The following GNL3L variants were observed in gnomAD, a reference collection of about 807,000 sequenced individuals.
GNL3L encodes G protein nucleolar 3 like, also known as guanine nucleotide-binding protein-like 3-like protein.
GNL3L carries 4 observed loss-of-function variants against 42.9 expected under a neutral mutation model. The ratio of observed to expected loss-of-function variants is 0.09; its 90% CI spans 0.05 to 0.21. The LOEUF (loss-of-function observed/expected upper bound fraction) is 0.21, where lower values mean the gene tolerates loss of function less well. GNL3L is among the 10% of genes least tolerant of loss of function. The pLI, the probability that GNL3L is intolerant of heterozygous loss-of-function variation, is 1.00. For synonymous variants in GNL3L, 159 were observed against 176.3 expected (o/e 0.90, Z 0.78); for missense variants, 412 against 481.7 (o/e 0.86, Z 1.36).
At chrX:54,604,834 T>A (rs1926041711) in intron 16 of GNL3L, among the ~76,000 whole-genome samples, 1 of 112,061 alleles carries the variant, frequency 8.9e-6, no homozygotes, top group African/African-American at 3.2e-5. Flanking sequence ...ACATGAGAAT[T>A]AATAATAGCT....
chrX:54,548,658 G>A (rs1317298053), intron 9 of GNL3L, among the ~76,000 whole-genome samples: 6 of 111,067 alleles, frequency 5.4e-5, no homozygotes, highest in Non-Finnish European at 1.1e-4. Flanking sequence ...AGAATTCTGA[G>A]TGAGGCTCAG....
At chrX:54,602,217 T>C (rs1477862597) in intron 16 of GNL3L, among the ~76,000 whole-genome samples, 3 of 112,088 alleles carry the variant, frequency 2.7e-5, no homozygotes, top group Non-Finnish European at 3.8e-5. Context: ...TTGAGAATTC[T>C]AGTTCTCCTG....
At chrX:54,538,364 A>T (rs781747764) in intron 2 of GNL3L, among the ~76,000 whole-genome samples, 2 of 111,422 alleles carry the variant, frequency 1.8e-5, no homozygotes, top group Non-Finnish European at 1.9e-5. Flanking sequence ...TCTCTCTAGG[A>T]ATTCCTTGAG....
At chrX:54,601,453 TG>T (rs1317569218) in intron 16 of GNL3L, among the ~76,000 whole-genome samples, 1 of 112,018 alleles carries the variant, frequency 8.9e-6, no homozygotes, top group Non-Finnish European at 1.9e-5. Flanking sequence ...CTAGCCAGTA[TG>T]CTTTTTCTCT....
intron 16 of GNL3L, among the ~76,000 whole-genome samples, chrX:54,581,998 T>G (rs1925721941): frequency 1.8e-5 from 2 of 112,115 alleles, no homozygotes; most frequent in African/African-American, 6.5e-5. Flanking sequence ...GCCAAACTGT[T>G]TTCCAGAGTA....
At chrX:54,621,339 T>C (rs1442252969) in exon 17 of GNL3L, among the ~76,000 whole-genome samples, 1 of 111,914 alleles carries the variant, frequency 8.9e-6, no homozygotes, top group Non-Finnish European at 1.9e-5. Context: ...GTAGAAACTC[T>C]GGTCAACAGC....
chrX:54,551,663 G>C lies in GNL3L; in HGVS notation c.959G>C (p.Arg320Pro). The stretch of plus-strand genomic sequence containing the variant: ...AACTCAGAGGTGGGCACCATCCTGC[G>C]TAACTGCGTCCACGTGCAGAAGCTG... ...GPNSEVGTIL[R>P]NCVHVQKLAD... The change falls in exon 11 of 16, where the codon CGT (arginine) becomes CCT (proline). Residue 320 changes from arginine (R) to proline (P), a missense_variant. Arg to Pro is a moderately radical substitution (Grantham distance 103). Coordinates refer to ENST00000360845, the MANE Select transcript of GNL3L (RefSeq NM_001184819.2). 1 of 1,210,876 alleles carries C rather than the reference G, an allele frequency of 8.3e-7. No individual in the cohort carries two copies. Among genetic ancestry groups the C allele is most frequent in the Non-Finnish European group, 1.1e-6 (1 of 894,630 alleles).
Position 54,541,359 on chromosome X carries a change from C to T in GNL3L, c.276C>T (p.Val92=), listed in dbSNP as rs779181314. 1 of 1,198,540 alleles carries T rather than the reference C, an allele frequency of 8.3e-7. No homozygotes were observed. Among genetic ancestry groups the T allele is most frequent in the Non-Finnish European group, 1.1e-6 (1 of 883,566 alleles). ...RRTIESYCQD[V]LRRQEEFEHK... Reference sequence around the variant, plus strand: ...CCATTGAGAGCTACTGTCAGGATGTCCTAAGACGCCAGGAGGAGTTTGAGC... The same window carrying T: ...CCATTGAGAGCTACTGTCAGGATGTTCTAAGACGCCAGGAGGAGTTTGAGC... The change falls in exon 5 of 16, where the codon GTC becomes GTT. Residue 92 remains valine (V), a synonymous_variant. Transcript: ENST00000360845.
chrX:54,604,058 G>A (rs779275680), intron 16 of GNL3L, among the ~76,000 whole-genome samples: 1 of 111,123 alleles, frequency 9.0e-6, no homozygotes, highest in East Asian at 2.8e-4. Context: ...GATCACCTGA[G>A]CCTGGGGAGG....
At chrX:54,606,995 C>CCTTTCCTTT (rs1926071483) in intron 16 of GNL3L, among the ~76,000 whole-genome samples, 3 of 28,024 alleles carry the variant, frequency 1.1e-4, no homozygotes, top group East Asian at 2.0e-3. Context: ...CCTTTCCTTT[C>CCTTTCCTTT]CTTTCTTTCT....
At chrX:54,632,174 C>G in the GNL3L span, among the ~76,000 whole-genome samples, 4 of 111,426 alleles carry the variant, frequency 3.6e-5, no homozygotes, top group Non-Finnish European at 7.5e-5. Flanking sequence ...TTTTGGTTAC[C>G]TGATGCTTTT....
Position 54,565,378 on chromosome X carries a change from A to C in GNL3L, c.*4776A>C, listed in dbSNP as rs780074252. 8.9e-6 allele frequency among the ~76,000 whole-genome samples: 1 copy of C among 112,620 alleles called. No homozygotes were observed. Among genetic ancestry groups the C allele is most frequent in the Non-Finnish European group, 1.9e-5 (1 of 53,352 alleles). Reference sequence around the variant, plus strand: ...ATGTTTGACATTTTAAGAAACTTCTAAACTGTTTTTCAAAGTGGCTCTACC... The same window carrying C: ...ATGTTTGACATTTTAAGAAACTTCTCAACTGTTTTTCAAAGTGGCTCTACC... On this transcript the variant is annotated 3_prime_UTR_variant, in exon 16 of 16. Coordinates refer to ENST00000360845, the MANE Select transcript of GNL3L (RefSeq NM_001184819.2).
chrX:54,607,141 GTCTCTC>G (rs199885445), intron 16 of GNL3L, among the ~76,000 whole-genome samples: 1 of 37,401 alleles, frequency 2.7e-5, no homozygotes, highest in African/African-American at 8.5e-5. Flanking sequence ...TTCTTTCTTT[GTCTCTC>G]TCTCTCTCTC....
the GNL3L span, among the ~76,000 whole-genome samples, chrX:54,642,558 C>T: frequency 9.0e-6 from 1 of 110,611 alleles, no homozygotes; most frequent in East Asian, 2.8e-4. Context: ...TTTTTTCCTT[C>T]GCCAGCTTTA....
intron 2 of GNL3L, among the ~76,000 whole-genome samples, chrX:54,534,718 GGAGTTGTTGAAAAACCTAT>G (rs1924369062): frequency 9.0e-6 from 1 of 111,700 alleles, no homozygotes; most frequent in Non-Finnish European, 1.9e-5. Context: ...TTTTCTCTCT[GGAGTTGTTGAAAAACCTAT>G]GAGCAGAGGC....
chrX:54,625,945 G>T, downstream of GNL3L, among the ~76,000 whole-genome samples: 1 of 111,065 alleles, frequency 9.0e-6, no homozygotes, highest in Middle Eastern at 4.8e-3. Context: ...ATGGGATACA[G>T]ACGGATATTA....
At chrX:54,544,202 C>G (rs1230824059) in intron 7 of GNL3L, 21 bp from the exon 8 acceptor site, 1 of 917,723 alleles carries the variant, frequency 1.1e-6, no homozygotes, top group South Asian at 2.0e-5. Context: ...CCAGCCCCAT[C>G]TGTTCCTATA....
the GNL3L span, among the ~76,000 whole-genome samples, chrX:54,636,007 GCT>G: frequency 9.0e-6 from 1 of 111,699 alleles, no homozygotes; most frequent in East Asian, 2.8e-4. Flanking sequence ...CCCAGCTCTT[GCT>G]CTCAGTCCTT....
intron 16 of GNL3L, among the ~76,000 whole-genome samples, chrX:54,606,498 A>G (rs1230343351): frequency 9.0e-6 from 1 of 110,769 alleles, no homozygotes; most frequent in African/African-American, 3.3e-5. Context: ...CTTTTTTTTA[A>G]GAGACCAGGT....
Sources: allele counts gnomAD v4.1 joint callset (sites outside exome capture counted in the v4.1 genomes callset), GRCh38; gene constraint gnomAD v4.1.1; transcripts MANE v1.5; gene names NCBI Gene and HGNC (gene_info 2026-07-23, HGNC 2026-07-21).